The following CLSTN2 variants were observed in gnomAD, a reference collection of about 807,000 sequenced individuals.
CLSTN2 encodes calsyntenin-2.
In CLSTN2, 48 loss-of-function variants were observed where a neutral mutation model predicts 101.2. The ratio of observed to expected loss-of-function variants is 0.47; its 90% CI spans 0.38 to 0.60. CLSTN2 has a LOEUF of 0.60. Among genes scored for constraint, CLSTN2 ranks in the 20% least tolerant of loss-of-function variants. The pLI, the probability that CLSTN2 is intolerant of heterozygous loss-of-function variation, is 0.00. For synonymous variants in CLSTN2, 481 were observed against 463.6 expected (o/e 1.04, Z -0.48); for missense variants, 1,160 against 1,238.2 (o/e 0.94, Z 0.95).
At chr3:140,334,187 G>T (rs78186821) in intron 2 of CLSTN2, among the ~76,000 whole-genome samples, 6,066 of 152,202 alleles carry the variant, frequency 0.04, 159 homozygotes, top group Middle Eastern at 0.088. Context: ...ACATATAAAG[G>T]TACATCAAGA....
At chr3:140,321,702 A>C (rs1407120742) in intron 2 of CLSTN2, among the ~76,000 whole-genome samples, 1 of 152,102 alleles carries the variant, frequency 6.6e-6, no homozygotes, top group East Asian at 1.9e-4. Context: ...CCCTCCTAAG[A>C]AGGCAGTTAG....
At chr3:140,491,047 A>G (rs951667545) in intron 8 of CLSTN2, among the ~76,000 whole-genome samples, 21 of 152,238 alleles carry the variant, frequency 1.4e-4, no homozygotes, top group African/African-American at 4.8e-4. Context: ...TACGTCCCTA[A>G]TAAACTTAAA....
intron 6 of CLSTN2, chr3:140,450,090 C>A (rs1351377969): frequency 2.0e-5 from 3 of 152,226 alleles, no homozygotes; most frequent in African/African-American, 7.2e-5. Flanking sequence ...AGCACCTGCT[C>A]TGTGTGCCCT....
chr3:140,450,877 G>A (rs1933231584), intron 6 of CLSTN2, among the ~76,000 whole-genome samples: 1 of 152,144 alleles, frequency 6.6e-6, no homozygotes, highest in South Asian at 2.1e-4. Flanking sequence ...GGCTGGCAGG[G>A]AAGGCCTATG....
At chr3:140,372,884 T>C (rs1030385638) in intron 2 of CLSTN2, among the ~76,000 whole-genome samples, 5 of 152,096 alleles carry the variant, frequency 3.3e-5, no homozygotes, top group Non-Finnish European at 7.4e-5. Context: ...CTGGATGACA[T>C]AGAGAAACCC....
At chr3:140,228,887 C>T (rs188335132) in intron 2 of CLSTN2, among the ~76,000 whole-genome samples, 2 of 152,302 alleles carry the variant, frequency 1.3e-5, no homozygotes, top group South Asian at 2.1e-4. Flanking sequence ...CTGGGTCCCT[C>T]CCACAACACA....
At chr3:140,404,228 C>CT (rs1380102245) in intron 3 of CLSTN2, among the ~76,000 whole-genome samples, 1 of 152,206 alleles carries the variant, frequency 6.6e-6, no homozygotes, top group Non-Finnish European at 1.5e-5. Context: ...ATCTCAGAGC[C>CT]TAACAGAGTA....
At chr3:140,079,750 C>CAAAAAAAAAAAAAA (rs548470137) in intron 1 of CLSTN2, among the ~76,000 whole-genome samples, 18 of 106,306 alleles carry the variant, frequency 1.7e-4, no homozygotes, top group East Asian at 5.4e-4. Flanking sequence ...GACTATGTCT[C>CAAAAAAAAAAAAAA]AAAAAAAAAA....
intron 1 of CLSTN2, among the ~76,000 whole-genome samples, chr3:140,099,983 G>C (rs937312810): frequency 2.6e-5 from 4 of 152,128 alleles, no homozygotes; most frequent in African/African-American, 9.7e-5. Flanking sequence ...GCAATGGCTG[G>C]CAATGCTGGA....
At chr3:140,133,622 G>C (rs969819117) in intron 1 of CLSTN2, among the ~76,000 whole-genome samples, 36 of 152,212 alleles carry the variant, frequency 2.4e-4, no homozygotes, top group African/African-American at 7.5e-4. Context: ...TTGCAGAGGT[G>C]GGGGGGCCAG....
chr3:140,181,971 C>A (rs1189468152), intron 2 of CLSTN2, among the ~76,000 whole-genome samples: 2 of 152,204 alleles, frequency 1.3e-5, no homozygotes, highest in African/African-American at 4.8e-5. Flanking sequence ...ACATGATACA[C>A]AGATATAGCA....
intron 1 of CLSTN2, among the ~76,000 whole-genome samples, chr3:140,138,934 G>A (rs2009655639): frequency 6.6e-6 from 1 of 152,178 alleles, no homozygotes; most frequent in African/African-American, 2.4e-5. Flanking sequence ...AAAGAATATG[G>A]TATTTAGAAC....
chr3:140,088,550 G>A (rs2008716910), intron 1 of CLSTN2, among the ~76,000 whole-genome samples: 1 of 152,168 alleles, frequency 6.6e-6, no homozygotes, highest in Admixed American at 6.5e-5. Flanking sequence ...CATTTGAGCT[G>A]CCCTTCACAG....
intron 2 of CLSTN2, among the ~76,000 whole-genome samples, chr3:140,192,560 C>G (rs142409324): frequency 7.1e-4 from 108 of 151,906 alleles, no homozygotes; most frequent in African/African-American, 2.5e-3. Flanking sequence ...CACTCTCTGT[C>G]TCCAGTAATT....
At chr3:140,013,971 C>A (rs2007143386) in intron 1 of CLSTN2, among the ~76,000 whole-genome samples, 1 of 152,180 alleles carries the variant, frequency 6.6e-6, no homozygotes, top group Admixed American at 6.5e-5. Context: ...TGTAAGTCAT[C>A]CCTTGTTCCC....
intron 2 of CLSTN2, among the ~76,000 whole-genome samples, chr3:140,196,167 G>A (rs1376300051): frequency 6.6e-6 from 1 of 152,180 alleles, no homozygotes; most frequent in African/African-American, 2.4e-5. Flanking sequence ...ACAGCTGAAA[G>A]AGAAAAAACA....
At chr3:140,174,969 C>A (rs575922458) in intron 1 of CLSTN2, among the ~76,000 whole-genome samples, 54 of 152,172 alleles carry the variant, frequency 3.5e-4, no homozygotes, top group Non-Finnish European at 5.9e-4. Flanking sequence ...AGGCTCCGTT[C>A]CAGGATTCTC....
At chr3:140,386,368 G>A (rs778181477) in intron 2 of CLSTN2, among the ~76,000 whole-genome samples, 1 of 152,204 alleles carries the variant, frequency 6.6e-6, no homozygotes, top group Admixed American at 6.5e-5. Flanking sequence ...TTAGGGTCCG[G>A]TTCATGCTGA....
chr3:140,292,747 A>G (rs1274147110), intron 2 of CLSTN2, among the ~76,000 whole-genome samples: 1 of 152,230 alleles, frequency 6.6e-6, no homozygotes, highest in African/African-American at 2.4e-5. Context: ...TGAGCATAGC[A>G]ATATAGCCGT....
Sources: allele counts gnomAD v4.1 joint callset (sites outside exome capture counted in the v4.1 genomes callset), GRCh38; gene constraint gnomAD v4.1.1; transcripts MANE v1.5; gene names NCBI Gene and HGNC (gene_info 2026-07-23, HGNC 2026-07-21).